Variants in FADS2 observed in about 807,000 individuals in gnomAD.
FADS2 encodes the protein acyl-CoA 6-desaturase.
FADS2 carries 18 observed loss-of-function variants against 61.2 expected under a neutral mutation model. The ratio of observed to expected loss-of-function variants is 0.29; its 90% CI spans 0.20 to 0.44. The LOEUF (loss-of-function observed/expected upper bound fraction) is 0.44, where lower values mean the gene tolerates loss of function less well. Ranked by LOEUF, FADS2 falls within the 20% of genes least tolerant of loss-of-function variation. FADS2 has a pLI of 1.00. For synonymous variants in FADS2, 203 were observed against 223.9 expected (o/e 0.91, Z 0.83); for missense variants, 322 against 572.7 (o/e 0.56, Z 4.47).
rs1487371309 is a variant in FADS2 at position 61,828,774 on chromosome 11, C to A, written c.207+177C>A. 1.0e-5 allele frequency: 6 copies of A among 601,000 alleles called. No individual in the cohort carries two copies. The highest frequency in any genetic ancestry group is 1.4e-5 in the Non-Finnish European group (5 of 347,502). 37.2% of individuals were successfully genotyped at this position (601,000 alleles called of 1,614,324 possible). On this transcript the variant is annotated intron_variant, in intron 1 of 11. Transcript: ENST00000278840. This position sits in a 1 kb window ranked among gnomAD's most constrained non-coding sequence, Gnocchi z 6.4. ...TCCCCAATCCTCCTCCTCCTCTGGG[C>A]CGACTGGGGTGGAGACCGGATCTGG...
chr11:61,848,370 T>C (rs1373162752), intron 5 of FADS2, 86 bp downstream of exon 5: 1 of 1,592,298 alleles, frequency 6.3e-7, no homozygotes, highest in Non-Finnish European at 8.6e-7. Context: ...GGAGATGGTG[T>C]TGACCTAGGA....
upstream of FADS2, among the ~76,000 whole-genome samples, chr11:61,824,502 G>GAGAGAGAGAGA (rs140558358): frequency 1.8e-4 from 4 of 21,698 alleles, no homozygotes; most frequent in South Asian, 1.8e-3. Flanking sequence ...AAGAAAGAAA[G>GAGAGAGAGAGA]GAAAGAAAGA....
Position 61,817,229 on chromosome 11 carries a change from C to T in FADS2, c.141+803C>T, listed in dbSNP as rs116080656. 601 of 356,330 alleles carry T rather than the reference C, an allele frequency of 1.7e-3. 3 individuals are homozygous for T. Among genetic ancestry groups the T allele is most frequent in the African/African-American group, 0.012 (577 of 46,934 alleles). 22.1% of individuals were successfully genotyped at this position (356,330 alleles called of 1,614,324 possible). On this transcript the variant is annotated intron_variant, in intron 1 of 11. Transcript: ENST00000257261. ...GGCGGGGCCGGGGTTGAGGTTTTTC[C>T]GTGCACGAGGCTGCCCGGGCGGTCG...
At chr11:61,850,446 T>G (rs941656545) in intron 5 of FADS2, among the ~76,000 whole-genome samples, 1 of 152,070 alleles carries the variant, frequency 6.6e-6, no homozygotes, top group African/African-American at 2.4e-5. Context: ...AGACGGGGTT[T>G]CACCATGTTG....
intron 5 of FADS2, among the ~76,000 whole-genome samples, chr11:61,853,502 G>A (rs1281881094): frequency 1.3e-5 from 2 of 151,968 alleles, no homozygotes; most frequent in Non-Finnish European, 1.5e-5. Context: ...CCATATCCCC[G>A]TTTTCTGAGG....
chr11:61,839,355 CT>C (rs2067200167), intron 2 of FADS2, among the ~76,000 whole-genome samples: 1 of 150,276 alleles, frequency 6.7e-6, no homozygotes. Context: ...TGGAGTTTTG[CT>C]CTTGTTACCC....
chr11:61,848,213 A>G lies in FADS2; in HGVS notation c.673A>G (p.Asn225Asp). The change falls in exon 5 of 12, where the codon AAC becomes GAC. Residue 225 changes from asparagine (N) to aspartate (D), a missense_variant. Transcript: ENST00000278840. The part of the protein sequence containing the change: ...HRHFQHHAKP[N>D]IFHKDPDVNM... ...CCACTTCCAGCACCACGCCAAGCCT[A>G]ACATCTTCCACAAGGATCCCGATGT... 1.2e-6 allele frequency: 2 copies of G among 1,614,208 alleles called. No homozygotes were observed. The highest frequency in any genetic ancestry group is 1.7e-6 in the Non-Finnish European group (2 of 1,180,036).
chr11:61,824,419 A>G (rs1173131899), upstream of FADS2, among the ~76,000 whole-genome samples: 4 of 10,580 alleles, frequency 3.8e-4, no homozygotes, highest in East Asian at 0.02. Flanking sequence ...AGAGAGAGAG[A>G]GAGAGAGAGA....
intron 10 of FADS2, 181 bp downstream of exon 10, chr11:61,863,967 C>T (rs2067440098): frequency 1.7e-6 from 1 of 595,534 alleles, no homozygotes; most frequent in Non-Finnish European, 3.1e-6. Context: ...CTCCCCTATT[C>T]CATCTCCCTG....
At chr11:61,844,938 A>G (rs2067245187) in intron 4 of FADS2, among the ~76,000 whole-genome samples, 1 of 150,410 alleles carries the variant, frequency 6.6e-6, no homozygotes, top group Non-Finnish European at 1.5e-5. Context: ...AAAAAAAAAG[A>G]AAAAAGAAAA....
intron 4 of FADS2, among the ~76,000 whole-genome samples, chr11:61,846,359 C>T (rs1402534569): frequency 2.6e-5 from 4 of 151,446 alleles, no homozygotes; most frequent in Non-Finnish European, 5.9e-5. Context: ...TCAAGTGATC[C>T]ACACGCTTCA....
In FADS2 at chr11:61,821,260, C is replaced by T; in HGVS notation, c.141+4834C>T. The T allele has an allele frequency of 5.0e-6, 3 of 604,540 alleles. No homozygotes were observed. The South Asian group carries it at 6.1e-5, about 12-fold the overall frequency. The allele number at this position is 604,540 out of a possible 1,614,324, so 37.4% of individuals were successfully genotyped here. A position where few individuals can be genotyped will look rare whatever the true frequency, so the allele number is the denominator to read the frequency against. Reference sequence around the variant, plus strand: ...CCAGGCCAGGCACAGTGACTCGTGCCTATAATCCCAGTGCTTTGGGAGGCT... The same window carrying T: ...CCAGGCCAGGCACAGTGACTCGTGCTTATAATCCCAGTGCTTTGGGAGGCT... On this transcript the variant is annotated intron_variant, in intron 1 of 11. Transcript: ENST00000257261.
At chr11:61,819,540 T>C (rs2067021124) in intron 1 of FADS2, among the ~76,000 whole-genome samples, 1 of 152,164 alleles carries the variant, frequency 6.6e-6, no homozygotes, top group Non-Finnish European at 1.5e-5. Flanking sequence ...AGCAAGATTC[T>C]ATATCCACAC....
At chr11:61,844,856 T>C (rs2067244465) in intron 4 of FADS2, among the ~76,000 whole-genome samples, 1 of 147,798 alleles carries the variant, frequency 6.8e-6, no homozygotes, top group Admixed American at 6.8e-5. Context: ...ACCCGGGAGG[T>C]AGAGGTTGCA....
intron 4 of FADS2, among the ~76,000 whole-genome samples, chr11:61,843,968 T>A (rs2067236303): frequency 6.6e-6 from 1 of 152,062 alleles, no homozygotes; most frequent in African/African-American, 2.4e-5. Context: ...GCCTGCAATA[T>A]GTTTTTAAAA....
intron 4 of FADS2, chr11:61,847,741 C>T (rs376375796): frequency 1.6e-4 from 33 of 202,020 alleles, no homozygotes; most frequent in African/African-American, 6.2e-4. Context: ...CTTGGATATA[C>T]GCTCAGGAGG....
Position 61,852,126 on chromosome 11 carries a change from G to A in FADS2, c.744+3842G>A, listed in dbSNP as rs2067312000. 2.0e-5 allele frequency among the ~76,000 whole-genome samples: 3 copies of A among 152,160 alleles called. No homozygotes were observed. The South Asian group carries it at 6.2e-4, about 32-fold the overall frequency. ...GCTCCTGAGCCCGGGCTTGGCCTGG[G>A]CTGGGCTGTCTGTCCTCTCCCAGGC... On this transcript the variant is annotated intron_variant, in intron 5 of 11. Coordinates refer to ENST00000278840, the MANE Select transcript of FADS2 (RefSeq NM_004265.4).
chr11:61,846,131 C>CTTTTTTTTTTTTTT (rs550169322), intron 4 of FADS2, among the ~76,000 whole-genome samples: 1 of 130,480 alleles, frequency 7.7e-6, no homozygotes, highest in Admixed American at 7.9e-5. Context: ...TCTTTCTTTT[C>CTTTTTTTTTTTTTT]TTTTTTTTTT....
chr11:61,823,328 A>T (rs1232769634), upstream of FADS2, among the ~76,000 whole-genome samples: 1 of 152,188 alleles, frequency 6.6e-6, no homozygotes, highest in Admixed American at 6.5e-5. Context: ...TGCAACCTGG[A>T]CCTGCTAGTC....
Sources: allele counts gnomAD v4.1 joint callset (sites outside exome capture counted in the v4.1 genomes callset), GRCh38; gene constraint gnomAD v4.1.1; non-coding constraint Gnocchi (gnomAD v3.1); transcripts MANE v1.5; gene names NCBI Gene and HGNC (gene_info 2026-07-23, HGNC 2026-07-21).